Variants in BCAS3 observed in about 807,000 individuals in gnomAD.
The protein encoded by BCAS3 is BCAS4/BCAS3 fusion.
A neutral mutation model predicts 116.1 loss-of-function variants in BCAS3; 53 were observed. The ratio of observed to expected loss-of-function variants is 0.46; its 90% CI spans 0.37 to 0.57. BCAS3 has a LOEUF of 0.57. BCAS3 is among the 20% of genes least tolerant of loss of function. The pLI is 0.00. For synonymous variants in BCAS3, 391 were observed against 408.2 expected, an observed-to-expected ratio of 0.96 and a Z score of 0.51; for missense variants, 917 against 1,165.4, an observed-to-expected ratio of 0.79 and a Z score of 3.10.
chr17:60,794,008 G>C (rs1598757595), intron 6 of BCAS3, among the ~76,000 whole-genome samples: 1 of 152,290 alleles, frequency 6.6e-6, no homozygotes, highest in East Asian at 1.9e-4. Context: ...GGCTGTACTA[G>C]TTTACATTCC....
chr17:60,844,149 T>C (rs1261028695), intron 7 of BCAS3, among the ~76,000 whole-genome samples: 2 of 152,140 alleles, frequency 1.3e-5, no homozygotes, highest in Non-Finnish European at 2.9e-5. Context: ...TTGTTTTTTT[T>C]AGTAGAGATG....
rs1479670284 is a variant in BCAS3 at position 60,885,792 on chromosome 17, T to C, written c.662-3903T>C. 5.5e-5 allele frequency among the ~76,000 whole-genome samples: 8 copies of C among 146,156 alleles called. 1 individual carries two copies. Among genetic ancestry groups the C allele is most frequent in the African/African-American group, 2.2e-4 (8 of 36,106 alleles). ...TTGGCCCCCTCTCTCTTCTGGCTTG[T>C]AGGGTTTCTGCCGAGAGATCTGCTG... On this transcript the variant is annotated intron_variant, in intron 9 of 23. Coordinates refer to ENST00000407086, the MANE Select transcript of BCAS3 (RefSeq NM_017679.5).
intron 22 of BCAS3, among the ~76,000 whole-genome samples, chr17:61,152,331 G>A (rs1185951606): frequency 6.6e-6 from 1 of 152,080 alleles, no homozygotes; most frequent in African/African-American, 2.4e-5. Context: ...CTAGTGATTG[G>A]TGTGTTTTAC....
intron 19 of BCAS3, among the ~76,000 whole-genome samples, chr17:61,048,731 C>A (rs2068572446): frequency 6.6e-6 from 1 of 151,890 alleles, no homozygotes; most frequent in Non-Finnish European, 1.5e-5. Flanking sequence ...CAGGGGAGAT[C>A]TTCACAGAGA....
chr17:61,170,543 T>G (rs553016302), intron 22 of BCAS3, among the ~76,000 whole-genome samples: 1 of 151,380 alleles, frequency 6.6e-6, no homozygotes, highest in Non-Finnish European at 1.5e-5. Flanking sequence ...CTGCCTGCCT[T>G]GGCCTCCCAA....
At chr17:60,911,123 C>CATTTTT (rs2058478066) in intron 12 of BCAS3, among the ~76,000 whole-genome samples, 1 of 88,256 alleles carries the variant, frequency 1.1e-5, no homozygotes, top group African/African-American at 4.5e-5. Context: ...TTTTTTCTTT[C>CATTTTT]TTTTTTTTTT....
At chr17:60,702,876 C>A (rs1288860379) in intron 4 of BCAS3, among the ~76,000 whole-genome samples, 1 of 152,046 alleles carries the variant, frequency 6.6e-6, no homozygotes, top group Non-Finnish European at 1.5e-5. Flanking sequence ...CAGGCGTGAG[C>A]CACCATGCTC....
intron 22 of BCAS3, among the ~76,000 whole-genome samples, chr17:61,230,677 A>G (rs1661623244): frequency 6.6e-6 from 1 of 152,106 alleles, no homozygotes; most frequent in African/African-American, 2.4e-5. Flanking sequence ...CATTTGCTCT[A>G]TCCAATCTGC....
rs1440512523 is a variant in BCAS3 at position 61,199,357 on chromosome 17, C to T, written c.2425+114793C>T. Among the ~76,000 whole-genome samples, 1 of 152,150 alleles carries T rather than the reference C, an allele frequency of 6.6e-6. No individual in the cohort carries two copies. The highest frequency in any genetic ancestry group is 2.4e-5 in the African/African-American group (1 of 41,432). On this transcript the variant is annotated intron_variant, in intron 22 of 23. Transcript: ENST00000407086. This position sits in a 1 kb window ranked among gnomAD's most constrained non-coding sequence, Gnocchi z 4.6. ...GCTTCCCTGTCAAACATTAGAAAAA[C>T]ACAGGTGGGCACCTAGTGCATGGTG... is the stretch of plus-strand genomic sequence containing the variant.
chr17:60,710,736 T>G lies in BCAS3; in HGVS notation c.321+1411T>G, dbSNP rs187315356. 5.2e-4 allele frequency among the ~76,000 whole-genome samples: 77 copies of G among 147,262 alleles called. No individual in the cohort carries two copies. The East Asian group carries it at 0.014, about 26-fold the overall frequency. The stretch of plus-strand genomic sequence containing the variant: ...GTGAGCCACCATGCCTGGCCAACAT[T>G]TTTTAAGTTAAAAAAATGTTTATTT... On this transcript the variant is annotated intron_variant, in intron 5 of 23. Coordinates refer to ENST00000407086, the MANE Select transcript of BCAS3 (RefSeq NM_017679.5).
At chr17:60,753,620 AG>A (rs56321581) in intron 6 of BCAS3, among the ~76,000 whole-genome samples, 109,883 of 151,546 alleles carry the variant, frequency 0.73, 45,537 homozygotes, top group South Asian at 0.98. Flanking sequence ...CATGTTAGCC[AG>A]GATGGTCTCG....
chr17:60,714,310 C>A (rs1393395998), intron 5 of BCAS3, among the ~76,000 whole-genome samples: 2 of 152,104 alleles, frequency 1.3e-5, no homozygotes, highest in African/African-American at 4.8e-5. Flanking sequence ...AGAAAATCAA[C>A]CCCTGTCCAA....
intron 7 of BCAS3, chr17:60,851,625 G>A (rs1277330405): frequency 1.5e-6 from 1 of 679,508 alleles, no homozygotes; most frequent in Non-Finnish European, 2.7e-6. Context: ...GCAAAGGGGA[G>A]CAAAGGGAAA....
intron 14 of BCAS3, among the ~76,000 whole-genome samples, chr17:60,947,755 A>G (rs1335092578): frequency 6.6e-6 from 1 of 152,200 alleles, no homozygotes; most frequent in African/African-American, 2.4e-5. Flanking sequence ...GGACATATTC[A>G]TATATACAAA....
intron 7 of BCAS3, among the ~76,000 whole-genome samples, chr17:60,816,931 C>T (rs983347328): frequency 5.3e-5 from 8 of 152,270 alleles, no homozygotes; most frequent in African/African-American, 1.4e-4. Context: ...CTGGGCTTTA[C>T]GGCTAATTTT....
At chr17:61,091,650 A>G (rs1408980853) in intron 22 of BCAS3, among the ~76,000 whole-genome samples, 14 of 152,194 alleles carry the variant, frequency 9.2e-5, no homozygotes, top group Admixed American at 9.2e-4. Flanking sequence ...TCAGAACCAG[A>G]GCTTCTGATA....
At chr17:60,913,702 C>T (rs2058636977) in intron 12 of BCAS3, among the ~76,000 whole-genome samples, 1 of 152,008 alleles carries the variant, frequency 6.6e-6, no homozygotes, top group Non-Finnish European at 1.5e-5. Flanking sequence ...CTGTTTAAAT[C>T]CCTTGAGCCT....
At position 61,037,896 on chromosome 17, in the gene BCAS3, C is replaced by T. The variant is rs767304615; in HGVS notation, c.1770C>T (p.Ser590=). The T allele has an allele frequency of 3.1e-6, 5 of 1,613,468 alleles. No individual in the cohort carries two copies. The Admixed American group carries it at 8.3e-5, about 27-fold the overall frequency. ...NAGLKREKDQ[S]KQVVVESLYI... ...CTGTTTCTCTGTTTGTAGATCAGTC[C>T]AAACAAGTTGTAGTTGAGTCCCTGT... The change falls in exon 18 of 24, where the codon TCC becomes TCT. Residue 590 remains serine (S), a synonymous_variant. Transcript: ENST00000407086. The surrounding 1 kb of genome is among the most constrained non-coding windows in gnomAD (Gnocchi z 4.7).
intron 5 of BCAS3, among the ~76,000 whole-genome samples, chr17:60,737,623 A>T (rs1350709447): frequency 2.0e-5 from 3 of 152,040 alleles, no homozygotes; most frequent in Non-Finnish European, 2.9e-5. Context: ...ACATGTTTAA[A>T]CATTTCTCTG....
Sources: gnomAD v4.1 joint callset for allele counts (sites outside exome capture counted in the v4.1 genomes callset) on GRCh38, gnomAD v4.1.1 for gene constraint, Gnocchi (gnomAD v3.1) non-coding constraint, MANE v1.5 for transcripts, NCBI Gene and HGNC (gene_info 2026-07-23, HGNC 2026-07-21) for gene names.